The following SACS variants were observed in gnomAD, a reference collection of about 807,000 sequenced individuals.
SACS encodes the protein sacsin molecular chaperone, also known as sacsin.
SACS carries 197 observed loss-of-function variants against 348.0 expected under a neutral mutation model. The ratio of observed to expected loss-of-function variants is 0.57; its 90% confidence interval spans 0.50 to 0.64. SACS has a LOEUF of 0.64. SACS is among the 30% of genes least tolerant of loss of function. The pLI, the probability that SACS is intolerant of heterozygous loss-of-function variation, is 0.00. For missense variants in SACS, 4,999 were observed against 5,360.8 expected (o/e 0.93, Z 2.11); for synonymous variants, 1,985 against 1,910.6 (o/e 1.04, Z -1.02).
chr13:23,385,360 CTTTT>C (rs1056155230), intron 2 of SACS, among the ~76,000 whole-genome samples: 2 of 138,316 alleles, frequency 1.4e-5, no homozygotes, highest in Non-Finnish European at 1.6e-5. Context: ...CATGGATGTT[CTTTT>C]TTTTTTTTTT....
At chr13:23,343,070 C>T (rs1038738117) in intron 9 of SACS, among the ~76,000 whole-genome samples, 3 of 152,068 alleles carry the variant, frequency 2.0e-5, no homozygotes, top group Non-Finnish European at 2.9e-5. Context: ...AAAGGGAGCA[C>T]GTGGGGCAGT....
At chr13:23,343,923 C>A (rs886120441) in intron 9 of SACS, among the ~76,000 whole-genome samples, 7 of 152,116 alleles carry the variant, frequency 4.6e-5, no homozygotes, top group African/African-American at 1.7e-4. Flanking sequence ...CACACTTTTG[C>A]AACTTTAGGA....
In SACS at chr13:23,340,322, T is replaced by C. The variant is rs755751713; in HGVS notation, c.3554A>G (p.Asp1185Gly). 20 of 1,613,890 alleles carry C rather than the reference T, an allele frequency of 1.2e-5. 1 individual carries two copies. The South Asian group carries it at 1.5e-4, about 12-fold the overall frequency. Reference protein sequence around the residue: ...GDLCNLCAPPDMCDVGHAILI... With the variant: ...GDLCNLCAPPGMCDVGHAILI... ...AATTGCATGGCCTACATCACACATATCTGGTGGTGCACAGAGATTACAGAG... is the reference window on the plus strand; with the variant it reads ...AATTGCATGGCCTACATCACACATACCTGGTGGTGCACAGAGATTACAGAG... The change falls in exon 10 of 10, where the codon GAT becomes GGT. Residue 1185 changes from aspartate to glycine, a missense_variant. Around this residue, in one of 6 missense-constraint regions of SACS, gnomAD observed 3,156 missense variants for 3,380.1 expected, o/e 0.93. Transcript: ENST00000382292.
Position 23,341,238 on chromosome 13 carries a change from T to C in SACS, c.2638A>G (p.Met880Val). The C allele has an allele frequency of 6.2e-7, 1 of 1,614,090 alleles. No homozygotes were observed. Reference sequence around the variant, plus strand: ...AATTTCTGCAATGGCATCTTCTCCATTATCTGCAAAACAGCACTTGGTAAT... The same window carrying C: ...AATTTCTGCAATGGCATCTTCTCCACTATCTGCAAAACAGCACTTGGTAAT... ...SPLPSAVLQI[M>V]EKMPLQKLCN... The change falls in exon 10 of 10, where the codon ATG becomes GTG. Residue 880 changes from methionine (M) to valine (V), a missense_variant. By Grantham distance (21) the Met-to-Val change is conservative. This residue lies in a region of SACS where 3,156 missense variants were observed against 3,380.1 expected (regional missense o/e 0.93). Coordinates refer to ENST00000382292, the MANE Select transcript of SACS (RefSeq NM_014363.6).
At chr13:23,421,104 G>A (rs1873921571) in intron 1 of SACS, among the ~76,000 whole-genome samples, 1 of 152,046 alleles carries the variant, frequency 6.6e-6, no homozygotes, top group Admixed American at 6.5e-5. Context: ...CCTTGGGCCT[G>A]TTGTTCCTCT....
intron 7 of SACS, among the ~76,000 whole-genome samples, chr13:23,357,761 G>A (rs748631297): frequency 5.3e-5 from 8 of 152,024 alleles, no homozygotes; most frequent in African/African-American, 1.2e-4. Flanking sequence ...TGTTAACTAG[G>A]AACCAGAAAC....
rs199744157 is a variant in SACS, at chr13:23,330,409, G to C, written c.13467C>G (p.Asp4489Glu). The change falls in exon 10 of 10, where the codon GAC (aspartate) becomes GAG (glutamate). Residue 4489 changes from aspartate to glutamate, a missense_variant. Around this residue, in one of 6 missense-constraint regions of SACS, gnomAD observed 254 missense variants for 275.1 expected, o/e 0.92. Transcript: ENST00000382292. ...TATCAGACTTTCCCCTCACAGCATAGTCAGCTGCAATCAAAGCTAACTTGG... is the reference window on the plus strand; with the variant it reads ...TATCAGACTTTCCCCTCACAGCATACTCAGCTGCAATCAAAGCTAACTTGG... ...LSTKLALIAA[D>E]YAVRGKSDKD... is the part of the protein sequence containing the mutation. 88 of 1,614,030 alleles carry C rather than the reference G, an allele frequency of 5.5e-5. 1 individual carries two copies. Among genetic ancestry groups the C allele is most frequent in the Admixed American group, 1.7e-5 (1 of 59,996 alleles).
chr13:23,397,261 T>C (rs1192680486), intron 2 of SACS, among the ~76,000 whole-genome samples: 1 of 152,152 alleles, frequency 6.6e-6, no homozygotes, highest in African/African-American at 2.4e-5. Flanking sequence ...CTGTTTTCAT[T>C]AAGGGAAAAG....
chr13:23,336,475 G>C lies in SACS; in HGVS notation c.7401C>G (p.Cys2467Trp). 1 of 1,613,966 alleles carries C rather than the reference G, an allele frequency of 6.2e-7. No homozygotes were observed. Among genetic ancestry groups the C allele is most frequent in the African/African-American group, 1.3e-5 (1 of 75,036 alleles). The change falls in exon 10 of 10, where the codon TGC (cysteine) becomes TGG (tryptophan). Residue 2467 changes from cysteine (C) to tryptophan (W), a missense_variant. Physicochemically the swap from Cys to Trp is radical, Grantham distance 215. Coordinates refer to ENST00000382292, the MANE Select transcript of SACS (RefSeq NM_014363.6). ...CTTTTATCCAAGGGCAATCATTGTA[G>C]CATAACGATTTAGCAGGGAGAAGCA... ...NLMLLPAKSL[C>W]YNDCPWIKVK... is the part of the protein sequence containing the mutation.
rs147273896 is a variant in SACS at position 23,338,363 on chromosome 13, C to T, written c.5513G>A (p.Gly1838Glu). ...ACATGGAACCAGTCCTAGTCTTCTT[C>T]CACTCTCACTCAGGGAAAACTTCAG... ...EALKFSLSES[G>E]RRLGLVPCGA... The change falls in exon 10 of 10, where the codon GGA becomes GAA. Residue 1838 changes from glycine to glutamate, a missense_variant. Transcript: ENST00000382292. 2 of 1,614,116 alleles carry T rather than the reference C, an allele frequency of 1.2e-6. No individual in the cohort carries two copies. Among genetic ancestry groups the T allele is most frequent in the Non-Finnish European group, 1.7e-6 (2 of 1,179,992 alleles).
chr13:23,367,220 C>A (rs1871113268), intron 5 of SACS, among the ~76,000 whole-genome samples: 1 of 152,204 alleles, frequency 6.6e-6, no homozygotes, highest in African/African-American at 2.4e-5. Context: ...AATACAAAAA[C>A]TGTTTTTGAA....
rs748237614 is a variant in SACS, at chr13:23,332,760, T to C, written c.11116A>G (p.Ile3706Val). The C allele has an allele frequency of 3.7e-6, 6 of 1,613,886 alleles. No homozygotes were observed. The East Asian group carries it at 6.7e-5, about 18-fold the overall frequency. ...AAGGGTGTAGCTTTCTCTGGAAGAA[T>C]AGGGCAGGATGTCCATAACAGCTGG... ...VLQLLWTSCP[I>V]LPEKATPLSI... Residue 3706 changes from isoleucine (I) to valine (V), a missense_variant, in exon 10 of 10, where the codon ATT becomes GTT. Around this residue, in one of 6 missense-constraint regions of SACS, gnomAD observed 831 missense variants for 941.8 expected, o/e 0.88. Coordinates refer to ENST00000382292, the MANE Select transcript of SACS (RefSeq NM_014363.6).
rs780296313 is a variant in SACS, at chr13:23,331,971, G to A, written c.11905C>T (p.Leu3969Phe). The change falls in exon 10 of 10, where the codon CTT becomes TTT. Residue 3969 changes from leucine (L) to phenylalanine (F), a missense_variant. Around this residue, in one of 6 missense-constraint regions of SACS, gnomAD observed 831 missense variants for 941.8 expected, o/e 0.88. Transcript: ENST00000382292. Reference sequence around the variant, plus strand: ...ATACTGCTCAATAATCGAGGTCTAAGTTTTTGAGGAAAGAGCATTATCAAC... The same window carrying A: ...ATACTGCTCAATAATCGAGGTCTAAATTTTTGAGGAAAGAGCATTATCAAC... ...TKLIMLFPQK[L>F]RPRLLSSILE... 2 of 1,613,952 alleles carry A rather than the reference G, an allele frequency of 1.2e-6. No homozygotes were observed. The highest frequency in any genetic ancestry group is 8.5e-7 in the Non-Finnish European group (1 of 1,179,968).
At chr13:23,420,860 G>A (rs1873910100) in intron 1 of SACS, among the ~76,000 whole-genome samples, 1 of 152,088 alleles carries the variant, frequency 6.6e-6, no homozygotes, top group Admixed American at 6.6e-5. Context: ...TGTCCACCTG[G>A]GGCCGGATTG....
intron 1 of SACS, among the ~76,000 whole-genome samples, chr13:23,413,454 G>A (rs1352331949): frequency 6.6e-6 from 1 of 152,174 alleles, no homozygotes; most frequent in Non-Finnish European, 1.5e-5. Flanking sequence ...TTGATGCACA[G>A]GAAGGTCAGT....
rs150429953 is a variant in SACS at position 23,340,940 on chromosome 13, T to C, written c.2936A>G (p.Asn979Ser). The change falls in exon 10 of 10, where the codon AAC becomes AGC. Residue 979 changes from asparagine to serine, a missense_variant. By Grantham distance (46) the Asn-to-Ser change is conservative. This residue lies in a region of SACS where 3,156 missense variants were observed against 3,380.1 expected (regional missense o/e 0.93). Coordinates refer to ENST00000382292, the MANE Select transcript of SACS (RefSeq NM_014363.6). ...CTTTAACTGTTCTATTTTCAACATGTTTGCCAGACGAATAGTAGCTTCATC... is the reference window on the plus strand; with the variant it reads ...CTTTAACTGTTCTATTTTCAACATGCTTGCCAGACGAATAGTAGCTTCATC... ...SSDEATIRLA[N>S]MLKIEQLKTT... 8 of 1,613,946 alleles carry C rather than the reference T, an allele frequency of 5.0e-6. No homozygotes were observed. The African/African-American group carries it at 1.1e-4, about 22-fold the overall frequency.
At chr13:23,412,476 T>C (rs968180213) in intron 1 of SACS, among the ~76,000 whole-genome samples, 5 of 149,456 alleles carry the variant, frequency 3.3e-5, no homozygotes, top group Non-Finnish European at 7.4e-5. Context: ...TGAAGTGGCA[T>C]GATCTTGGCT....
chr13:23,382,784 T>G (rs1163608979), intron 2 of SACS, among the ~76,000 whole-genome samples: 1 of 138,878 alleles, frequency 7.2e-6, no homozygotes, highest in African/African-American at 2.7e-5. Context: ...GTGTGTGTGG[T>G]TTTTGTTTTT....
At chr13:23,422,547 A>G (rs1435528200) in intron 1 of SACS, among the ~76,000 whole-genome samples, 1 of 152,192 alleles carries the variant, frequency 6.6e-6, no homozygotes, top group African/African-American at 2.4e-5. Context: ...CACACGTTTT[A>G]TAAAACCTAA....
Sources: allele counts gnomAD v4.1 joint callset (sites outside exome capture counted in the v4.1 genomes callset), GRCh38; gene constraint gnomAD v4.1.1; regional missense constraint gnomAD v4.1.1; transcripts MANE v1.5; gene names NCBI Gene and HGNC (gene_info 2026-07-23, HGNC 2026-07-21).